PLXNA4: variants seen among roughly 807,000 people sequenced by gnomAD.
PLXNA4 encodes plexin-A4.
In PLXNA4, 44 loss-of-function variants were observed where a neutral mutation model predicts 191.8. That is an observed-to-expected ratio of 0.23 (90% CI 0.18 to 0.29). PLXNA4 has a LOEUF of 0.29. Among genes scored for constraint, PLXNA4 ranks in the 10% least tolerant of loss-of-function variants. The pLI is 1.00. For synonymous variants in PLXNA4, 1,082 were observed against 1,009.5 expected (o/e 1.07, Z -1.36); for missense variants, 1,800 against 2,488.8 (o/e 0.72, Z 5.89).
intron 20 of PLXNA4, among the ~76,000 whole-genome samples, chr7:132,178,713 T>TATACAC (rs1554380999): frequency 8.9e-6 from 1 of 112,080 alleles, no homozygotes; most frequent in East Asian, 3.0e-4. Context: ...CACATACACA[T>TATACAC]ACACACACAC....
chr7:132,474,042 AAAAACAAAAC>A (rs773272032), intron 3 of PLXNA4, among the ~76,000 whole-genome samples: 13 of 151,672 alleles, frequency 8.6e-5, no homozygotes, highest in East Asian at 1.9e-4. Flanking sequence ...AGAAATGACA[AAAAACAAAAC>A]AAAACAAAAC....
intron 3 of PLXNA4, among the ~76,000 whole-genome samples, chr7:132,337,682 C>A (rs1039000951): frequency 1.3e-5 from 2 of 152,192 alleles, no homozygotes; most frequent in African/African-American, 4.8e-5. Context: ...GTAGTTTTGG[C>A]AGGCTTGGCT....
At position 132,228,484 on chromosome 7, in the gene PLXNA4, C is replaced by T. The variant is rs2116982682; in HGVS notation, c.1605-15G>A. The stretch of plus-strand genomic sequence containing the variant: ...TCCGGGTGCAACTGGGAAGGACATA[C>T]CCTCGAGTTACTCAGGAGATGGCCG... On this transcript the variant is annotated splice_polypyrimidine_tract_variant and intron_variant, in intron 5 of 31. Transcript: ENST00000321063. 2 of 1,613,784 alleles carry T rather than the reference C, an allele frequency of 1.2e-6. No individual in the cohort carries two copies. The highest frequency in any genetic ancestry group is 1.3e-5 in the African/African-American group (1 of 75,022).
intron 3 of PLXNA4, among the ~76,000 whole-genome samples, chr7:132,353,976 G>A (rs753707776): frequency 1.4e-4 from 22 of 152,078 alleles, no homozygotes; most frequent in Non-Finnish European, 2.9e-4. Context: ...TGAGCCCAGG[G>A]TTTTCTTCTC....
At chr7:132,448,819 C>T (rs754771192) in intron 3 of PLXNA4, among the ~76,000 whole-genome samples, 3 of 152,198 alleles carry the variant, frequency 2.0e-5, no homozygotes, top group African/African-American at 7.2e-5. Flanking sequence ...TCTATATGCA[C>T]ATTTATACAT....
intron 5 of PLXNA4, among the ~76,000 whole-genome samples, chr7:132,240,379 A>G (rs1798835715): frequency 6.6e-6 from 1 of 152,188 alleles, no homozygotes; most frequent in Non-Finnish European, 1.5e-5. Flanking sequence ...CTATAATGCC[A>G]TTGCCTTCTT....
rs116819128 is a variant in PLXNA4, at chr7:132,590,302, T to C, written c.-87+55626A>G. 2.4e-3 allele frequency among the ~76,000 whole-genome samples: 372 copies of C among 152,296 alleles called. 3 individuals are homozygous for C. Among genetic ancestry groups the C allele is most frequent in the African/African-American group, 8.6e-3 (358 of 41,562 alleles). ...AGTTAGGAAGGCCTTTGTCTGAAAG[T>C]AACAAAATGCCTATTGTATTAGTCA... On this transcript the variant is annotated intron_variant, in intron 2 of 4. Transcript: ENST00000378539.
intron 3 of PLXNA4, among the ~76,000 whole-genome samples, chr7:132,305,261 A>C (rs1801467051): frequency 6.6e-6 from 1 of 152,080 alleles, no homozygotes. Flanking sequence ...CCACATGAGC[A>C]CTTAAGGACT....
At chr7:132,588,765 A>G (rs762831042) in intron 2 of PLXNA4, among the ~76,000 whole-genome samples, 1 of 151,068 alleles carries the variant, frequency 6.6e-6, no homozygotes, top group Non-Finnish European at 1.5e-5. Context: ...AGAGAGAAAA[A>G]GAAAGAAAGA....
chr7:132,219,746 C>CTA (rs1798081966), intron 9 of PLXNA4, among the ~76,000 whole-genome samples: 1 of 152,048 alleles, frequency 6.6e-6, no homozygotes. Context: ...CAATGACAAA[C>CTA]TATATATATA....
At chr7:132,588,746 A>AAGAG (rs370545025) in intron 2 of PLXNA4, among the ~76,000 whole-genome samples, 5,047 of 150,250 alleles carry the variant, frequency 0.034, 219 homozygotes, top group African/African-American at 0.091. Flanking sequence ...AAAAGAAAGA[A>AAGAG]AGAGAGAAAG....
intron 2 of PLXNA4, among the ~76,000 whole-genome samples, chr7:132,597,859 C>CTATATATATA (rs1554476079): frequency 1.5e-4 from 22 of 145,364 alleles, no homozygotes; most frequent in Middle Eastern, 3.5e-3. Flanking sequence ...CTCTCTCTCT[C>CTATATATATA]TATATATATA....
chr7:132,566,388 A>T (rs1257102400), intron 1 of PLXNA4, among the ~76,000 whole-genome samples: 1 of 151,968 alleles, frequency 6.6e-6, no homozygotes, highest in Non-Finnish European at 1.5e-5. Context: ...GCCTAACTTC[A>T]CTCTCCAGGT....
At chr7:132,330,364 T>C (rs1021669311) in intron 3 of PLXNA4, among the ~76,000 whole-genome samples, 1 of 152,110 alleles carries the variant, frequency 6.6e-6, no homozygotes, top group African/African-American at 2.4e-5. Context: ...AGAGTAACCA[T>C]CAGAATCAGG....
In PLXNA4 at chr7:132,171,710, G is replaced by A. The variant is rs562808484; in HGVS notation, c.4017+3068C>T. On this transcript the variant is annotated intron_variant, in intron 21 of 31. Transcript: ENST00000321063. ...CCCTGGGAAGGAAGATTTTAGCAAA[G>A]CCACCTACAGTGAAATAGCATCCTA... is the stretch of plus-strand genomic sequence containing the variant. Among the ~76,000 whole-genome samples the A allele has an allele frequency of 2.6e-5, 4 of 152,300 alleles. No homozygotes were observed. In the South Asian group the frequency reaches 6.2e-4, roughly 24 times the overall value.
chr7:132,284,924 A>G (rs1268696102), intron 4 of PLXNA4, among the ~76,000 whole-genome samples: 1 of 152,076 alleles, frequency 6.6e-6, no homozygotes, highest in African/African-American at 2.4e-5. Flanking sequence ...CATGTTGGCC[A>G]GGCTAGTCTC....
In PLXNA4 at chr7:132,395,495, C is replaced by A. The variant is rs532150363; in HGVS notation, c.1371+93797G>T. On this transcript the variant is annotated intron_variant, in intron 3 of 31. Coordinates refer to ENST00000321063, the MANE Select transcript of PLXNA4 (RefSeq NM_020911.2). ...GATGATGCAGCACTGAGTGGGGGCA[C>A]AAAGTCCTATTTGAAGTATTGCAGG... Among the ~76,000 whole-genome samples the A allele has an allele frequency of 2.1e-4, 32 of 152,308 alleles. 1 individual carries two copies. Among genetic ancestry groups the A allele is most frequent in the Non-Finnish European group, 2.6e-4 (18 of 68,020 alleles).
chr7:132,377,926 C>T (rs367595368), intron 3 of PLXNA4, among the ~76,000 whole-genome samples: 3 of 152,046 alleles, frequency 2.0e-5, no homozygotes, highest in East Asian at 1.9e-4. Flanking sequence ...CTGGAGGCCG[C>T]GAGCTGAAAC....
At chr7:132,505,419 A>C (rs1482699529) in intron 2 of PLXNA4, among the ~76,000 whole-genome samples, 1 of 152,218 alleles carries the variant, frequency 6.6e-6, no homozygotes. Context: ...CAGGGTTTTA[A>C]GAAAGTTTTC....
Sources: allele counts gnomAD v4.1 joint callset (sites outside exome capture counted in the v4.1 genomes callset), GRCh38; gene constraint gnomAD v4.1.1; transcripts MANE v1.5; gene names NCBI Gene and HGNC (gene_info 2026-07-23, HGNC 2026-07-21).